Variants in CDKN2B-AS1 observed in about 807,000 individuals in gnomAD.
The protein encoded by CDKN2B-AS1 is CDKN2B antisense RNA 1 (non-protein coding).
intron 1 of CDKN2B-AS1, among the ~76,000 whole-genome samples, chr9:22,022,390 C>A (rs924846523): frequency 3.3e-5 from 5 of 151,504 alleles, no homozygotes; most frequent in African/African-American, 9.7e-5. Flanking sequence ...TGAATTGAAC[C>A]CTTTACCATT....
chr9:22,104,116 G>A (rs1338435203), intron 4 of CDKN2B-AS1, among the ~76,000 whole-genome samples: 1 of 152,162 alleles, frequency 6.6e-6, no homozygotes, highest in African/African-American at 2.4e-5. Context: ...TGAGGCAGAA[G>A]GCAAATTATT....
intron 4 of CDKN2B-AS1, among the ~76,000 whole-genome samples, chr9:22,085,411 C>A (rs1475747735): frequency 6.6e-6 from 1 of 152,138 alleles, no homozygotes; most frequent in Non-Finnish European, 1.5e-5. Context: ...GGCCCCACAC[C>A]AAGGAACATA....
At chr9:22,050,352 C>T (rs770886132) in intron 3 of CDKN2B-AS1, among the ~76,000 whole-genome samples, 5 of 152,166 alleles carry the variant, frequency 3.3e-5, no homozygotes, top group Non-Finnish European at 5.9e-5. Context: ...GGAGTCCTGA[C>T]CCCTTTTCAG....
chr9:22,056,049 CTTT>C (rs752585465), intron 3 of CDKN2B-AS1, among the ~76,000 whole-genome samples: 1 of 138,356 alleles, frequency 7.2e-6, no homozygotes. Flanking sequence ...ATTTTTTTTT[CTTT>C]TTTTTTTTTT....
In CDKN2B-AS1 at chr9:22,039,441, G is replaced by A. The variant is rs113084621; in HGVS notation, n.30-7310G>A. Among the ~76,000 whole-genome samples the A allele has an allele frequency of 7.2e-5, 11 of 152,016 alleles. No homozygotes were observed. The highest frequency in any genetic ancestry group is 3.4e-3 in the Middle Eastern group (1 of 294). On this transcript the variant is annotated intron_variant and non_coding_transcript_variant, in intron 1 of 4. Transcript: ENST00000650946. This position sits in a 1 kb window ranked among gnomAD's most constrained non-coding sequence, Gnocchi z 4.4. Reference sequence around the variant, plus strand: ...TAAATACTCGGCCCCTGTTTTAGCTGTGTCTTAATTGCGCAACATCTGTTT... The same window carrying A: ...TAAATACTCGGCCCCTGTTTTAGCTATGTCTTAATTGCGCAACATCTGTTT...
intron 4 of CDKN2B-AS1, among the ~76,000 whole-genome samples, chr9:22,125,565 T>A (rs1818003647): frequency 6.6e-6 from 1 of 152,228 alleles, no homozygotes; most frequent in African/African-American, 2.4e-5. Context: ...GACAAAAGTA[T>A]GCAGAAGCAG....
chr9:22,069,060 A>G (rs1824181228), intron 4 of CDKN2B-AS1, among the ~76,000 whole-genome samples: 1 of 152,204 alleles, frequency 6.6e-6, no homozygotes, highest in Non-Finnish European at 1.5e-5. Context: ...ATTGCATGTT[A>G]GCTTTCTTTC....
chr9:22,077,893 A>G (rs1349289912), intron 4 of CDKN2B-AS1: 3 of 152,218 alleles, frequency 2.0e-5, no homozygotes, highest in East Asian at 1.9e-4. Context: ...TAAACAATAG[A>G]TCTCTGTGGC....
intron 1 of CDKN2B-AS1, among the ~76,000 whole-genome samples, chr9:22,023,731 G>C (rs529520261): frequency 2.0e-5 from 3 of 152,166 alleles, no homozygotes; most frequent in Admixed American, 6.6e-5. Flanking sequence ...TGAGTTGAGA[G>C]TCCGTATCAA....
intron 4 of CDKN2B-AS1, among the ~76,000 whole-genome samples, chr9:22,112,819 C>G (rs1825836046): frequency 6.6e-6 from 1 of 151,962 alleles, no homozygotes. Context: ...GCCCTGTCTT[C>G]TTAAAAAAAT....
intron 4 of CDKN2B-AS1, chr9:22,120,222 A>C (rs1487230610): frequency 6.6e-6 from 1 of 152,194 alleles, no homozygotes; most frequent in Non-Finnish European, 1.5e-5. Context: ...AGCAAGTTGA[A>C]CATTGTGGGA....
At chr9:22,116,009 A>T (rs966929895) in intron 4 of CDKN2B-AS1, among the ~76,000 whole-genome samples, 7 of 152,188 alleles carry the variant, frequency 4.6e-5, no homozygotes, top group African/African-American at 1.4e-4. Context: ...TGTCTTGTTG[A>T]AAAAGTATGA....
At chr9:22,015,660 T>C (rs1250653621) in intron 1 of CDKN2B-AS1, among the ~76,000 whole-genome samples, 2 of 152,072 alleles carry the variant, frequency 1.3e-5, no homozygotes, top group African/African-American at 4.8e-5. Flanking sequence ...TATTATACTT[T>C]AAGTTTTAGG....
chr9:22,089,851 C>A (rs1030090646), intron 4 of CDKN2B-AS1, among the ~76,000 whole-genome samples: 1 of 151,882 alleles, frequency 6.6e-6, no homozygotes, highest in Non-Finnish European at 1.5e-5. Context: ...TTATACTTTA[C>A]GTTTTAGGGT....
At chr9:22,087,219 C>T (rs1462421317) in intron 4 of CDKN2B-AS1, among the ~76,000 whole-genome samples, 1 of 152,108 alleles carries the variant, frequency 6.6e-6, no homozygotes, top group Non-Finnish European at 1.5e-5. Flanking sequence ...GTTTTCTTTC[C>T]CCTTGAAGGG....
At chr9:22,126,809 T>G (rs1014028039) in intron 4 of CDKN2B-AS1, among the ~76,000 whole-genome samples, 1 of 152,156 alleles carries the variant, frequency 6.6e-6, no homozygotes, top group Non-Finnish European at 1.5e-5. Flanking sequence ...CCTGACCTCG[T>G]GATCAGCCCG....
At chr9:22,101,416 C>A (rs551374313) in intron 4 of CDKN2B-AS1, among the ~76,000 whole-genome samples, 48 of 152,026 alleles carry the variant, frequency 3.2e-4, no homozygotes, top group African/African-American at 1.1e-3. Flanking sequence ...GATAAATGGC[C>A]ACAGAAGTAA....
chr9:22,076,428 A>T (rs1192056685), intron 4 of CDKN2B-AS1, among the ~76,000 whole-genome samples: 2 of 152,244 alleles, frequency 1.3e-5, no homozygotes, highest in Non-Finnish European at 2.9e-5. Context: ...TCTAATCAAA[A>T]TATATAACTA....
Position 21,997,437 on chromosome 9 carries a change from A to T in CDKN2B-AS1, n.29+2276A>T, listed in dbSNP as rs1207656891. 2.6e-5 allele frequency among the ~76,000 whole-genome samples: 4 copies of T among 151,962 alleles called. No homozygotes were observed. The highest frequency in any genetic ancestry group is 5.9e-5 in the Non-Finnish European group (4 of 67,992). ...ATACAATTTTATATATACGTACATT[A>T]TATGTCTACACACACATATGTGGGG... is the stretch of plus-strand genomic sequence containing the variant. On this transcript the variant is annotated intron_variant and non_coding_transcript_variant, in intron 1 of 4. Coordinates refer to ENST00000650946, the Ensembl canonical transcript of CDKN2B-AS1. The surrounding 1 kb of genome is among the most constrained non-coding windows in gnomAD (Gnocchi z 4.8).
Sources: gnomAD v4.1 joint callset for allele counts (sites outside exome capture counted in the v4.1 genomes callset) on GRCh38, gnomAD v4.1.1 for gene constraint, Gnocchi (gnomAD v3.1) non-coding constraint, MANE v1.5 for transcripts, NCBI Gene and HGNC (gene_info 2026-07-23, HGNC 2026-07-21) for gene names.